SYNPR: variants seen among roughly 807,000 people sequenced by gnomAD.
SYNPR encodes synaptoporin.
In SYNPR, 23 loss-of-function variants were observed where a neutral mutation model predicts 32.9. The observed-to-expected ratio is 0.70, with a 90% CI of 0.50 to 0.99. The LOEUF (loss-of-function observed/expected upper bound fraction) is 0.99. SYNPR is among the 50% of genes least tolerant of loss of function. SYNPR has a pLI of 0.00. For synonymous variants in SYNPR, 146 were observed against 135.9 expected, an observed-to-expected ratio of 1.07 and a Z score of -0.52; for missense variants, 318 against 349.3, an observed-to-expected ratio of 0.91 and a Z score of 0.71.
chr3:63,475,968 T>A (rs1333782758), intron 2 of SYNPR, among the ~76,000 whole-genome samples: 1 of 151,898 alleles, frequency 6.6e-6, no homozygotes, highest in Non-Finnish European at 1.5e-5. Context: ...CATGTCTCTT[T>A]ATGTCTTCCA....
rs563303957 is a variant in SYNPR at position 63,284,263 on chromosome 3, G to A, written c.84+5521G>A. Reference sequence around the variant, plus strand: ...TGTAGATTTATGTGAAATGAAAAGTGGAGGACTCCACACATCCATGTTGTT... The same window carrying A: ...TGTAGATTTATGTGAAATGAAAAGTAGAGGACTCCACACATCCATGTTGTT... On this transcript the variant is annotated intron_variant, in intron 2 of 5. Transcript: ENST00000478300. 2.6e-5 allele frequency among the ~76,000 whole-genome samples: 4 copies of A among 152,254 alleles called. No homozygotes were observed. In the South Asian group the frequency reaches 8.3e-4, roughly 32 times the overall value.
chr3:63,300,885 A>G (rs1253962786), intron 2 of SYNPR, among the ~76,000 whole-genome samples: 4 of 152,108 alleles, frequency 2.6e-5, no homozygotes, highest in African/African-American at 7.2e-5. Context: ...AATCTGTCTC[A>G]GGATTTGCTT....
intron 2 of SYNPR, among the ~76,000 whole-genome samples, chr3:63,260,892 A>G (rs1302461501): frequency 6.6e-6 from 1 of 151,404 alleles, no homozygotes; most frequent in African/African-American, 2.4e-5. Context: ...AAAAACCATC[A>G]AAAGTAGGTG....
intron 3 of SYNPR, among the ~76,000 whole-genome samples, chr3:63,521,482 C>G (rs1002087432): frequency 5.9e-5 from 9 of 152,132 alleles, no homozygotes; most frequent in Admixed American, 5.9e-4. Flanking sequence ...AGTCAGGGAG[C>G]GTACTTGGCA....
intron 4 of SYNPR, among the ~76,000 whole-genome samples, chr3:63,594,824 T>C (rs904743311): frequency 6.6e-6 from 1 of 152,124 alleles, no homozygotes; most frequent in African/African-American, 2.4e-5. Context: ...TACCTCCCAA[T>C]TAAAAATATA....
rs534628839 is a variant in SYNPR at position 63,550,736 on chromosome 3, C to T, written c.210-5807C>T. Among the ~76,000 whole-genome samples the T allele has an allele frequency of 4.5e-4, 68 of 152,284 alleles. 1 individual carries two copies. The highest frequency in any genetic ancestry group is 1.5e-3 in the African/African-American group (61 of 41,564). On this transcript the variant is annotated intron_variant, in intron 3 of 5. Coordinates refer to ENST00000478300, the MANE Select transcript of SYNPR (RefSeq NM_001130003.2). ...AGCCTGGCACCTGGAAACTATCAAGCGCAGATAATTGCAACAGGTGACATG... is the reference window on the plus strand; with the variant it reads ...AGCCTGGCACCTGGAAACTATCAAGTGCAGATAATTGCAACAGGTGACATG...
intron 4 of SYNPR, among the ~76,000 whole-genome samples, chr3:63,597,941 T>G (rs947609002): frequency 4.6e-5 from 7 of 152,216 alleles, no homozygotes; most frequent in African/African-American, 1.7e-4. Flanking sequence ...TCTTGCTATT[T>G]GCTTTCTGTG....
chr3:63,522,149 G>C (rs1701928624), intron 3 of SYNPR, among the ~76,000 whole-genome samples: 1 of 152,188 alleles, frequency 6.6e-6, no homozygotes, highest in African/African-American at 2.4e-5. Flanking sequence ...TGCTTGTAAA[G>C]TGCTGAGCAC....
chr3:63,577,166 T>C (rs576725762), intron 4 of SYNPR, among the ~76,000 whole-genome samples: 3 of 152,342 alleles, frequency 2.0e-5, no homozygotes, highest in Non-Finnish European at 4.4e-5. Context: ...TAAGGTAAAC[T>C]GTGAACCAGG....
intron 4 of SYNPR, among the ~76,000 whole-genome samples, chr3:63,558,214 C>T (rs1024882668): frequency 1.3e-5 from 2 of 152,186 alleles, no homozygotes; most frequent in Non-Finnish European, 2.9e-5. Flanking sequence ...AGCCTGTAGA[C>T]TATGTGCTAA....
Position 63,400,096 on chromosome 3 carries a change from G to A in SYNPR, c.85-80736G>A, listed in dbSNP as rs2088271075. On this transcript the variant is annotated intron_variant, in intron 2 of 5. Coordinates refer to ENST00000478300, the MANE Select transcript of SYNPR (RefSeq NM_001130003.2). ...AACAGAGCCATCCTCATGACCTATA[G>A]ATGCACAAAGAAAAGAATGCTGATA... Among the ~76,000 whole-genome samples the A allele has an allele frequency of 2.0e-5, 3 of 152,200 alleles. No homozygotes were observed. In the South Asian group the frequency reaches 6.2e-4, roughly 31 times the overall value.
At chr3:63,540,742 A>C (rs77732239) in intron 3 of SYNPR, among the ~76,000 whole-genome samples, 2 of 151,850 alleles carry the variant, frequency 1.3e-5, no homozygotes, top group Non-Finnish European at 2.9e-5. Flanking sequence ...ACTTGGCAAG[A>C]TTTTTTTTAA....
chr3:63,497,796 C>A (rs978113703), intron 3 of SYNPR, among the ~76,000 whole-genome samples: 1 of 152,052 alleles, frequency 6.6e-6, no homozygotes, highest in Non-Finnish European at 1.5e-5. Context: ...ATGTAAATTC[C>A]TTATGTTGTG....
At chr3:63,337,232 CAAAAAAA>C (rs67376099) in intron 2 of SYNPR, among the ~76,000 whole-genome samples, 3 of 55,470 alleles carry the variant, frequency 5.4e-5, no homozygotes, top group East Asian at 6.7e-4. Context: ...ACTCTGTCTC[CAAAAAAA>C]AAAAAAAAAA....
intron 2 of SYNPR, among the ~76,000 whole-genome samples, chr3:63,345,303 A>G (rs2087423428): frequency 6.6e-6 from 1 of 152,196 alleles, no homozygotes; most frequent in South Asian, 2.1e-4. Flanking sequence ...CATTCCTTCC[A>G]TAGTTAACTT....
intron 3 of SYNPR, among the ~76,000 whole-genome samples, chr3:63,483,044 G>T (rs975625693): frequency 1.3e-5 from 2 of 152,140 alleles, no homozygotes; most frequent in Non-Finnish European, 2.9e-5. Context: ...AGCCTTTTTG[G>T]AGGACAACTG....
intron 2 of SYNPR, among the ~76,000 whole-genome samples, chr3:63,450,615 G>A (rs898823569): frequency 2.6e-5 from 4 of 152,124 alleles, no homozygotes; most frequent in African/African-American, 7.2e-5. Context: ...TCAACTGGAC[G>A]TACCCAAACA....
chr3:63,242,602 CAA>C (rs1260723337), intron 1 of SYNPR, among the ~76,000 whole-genome samples: 1 of 152,008 alleles, frequency 6.6e-6, no homozygotes, highest in African/African-American at 2.4e-5. Flanking sequence ...TCAGAAGAGA[CAA>C]AGTCACCCAG....
At chr3:63,570,252 T>C (rs889088731) in intron 4 of SYNPR, among the ~76,000 whole-genome samples, 1 of 152,128 alleles carries the variant, frequency 6.6e-6, no homozygotes, top group Admixed American at 6.5e-5. Context: ...TTGATGACAT[T>C]AGGGCATATT....
Sources: allele counts gnomAD v4.1 joint callset (sites outside exome capture counted in the v4.1 genomes callset), GRCh38; gene constraint gnomAD v4.1.1; transcripts MANE v1.5; gene names NCBI Gene and HGNC (gene_info 2026-07-23, HGNC 2026-07-21).